Variants in CCDC136 observed in about 807,000 individuals in gnomAD.
The protein encoded by CCDC136 is coiled-coil domain containing 136, also known as coiled-coil domain-containing protein 136.
A neutral mutation model predicts 141.2 loss-of-function variants in CCDC136; 100 were observed. The ratio of observed to expected loss-of-function variants is 0.71; its 90% CI spans 0.60 to 0.84. CCDC136 has a LOEUF of 0.84. Ranked by LOEUF, CCDC136 falls within the 40% of genes least tolerant of loss-of-function variation. The pLI, the probability that CCDC136 is intolerant of heterozygous loss-of-function variation, is 0.00. For missense variants in CCDC136, 1,206 were observed against 1,379.4 expected (o/e 0.87, Z 1.99); for synonymous variants, 474 against 531.9 (o/e 0.89, Z 1.50).
At position 128,805,830 on chromosome 7, in the gene CCDC136, C is replaced by G. The variant is rs370564304; in HGVS notation, c.1018C>G (p.Arg340Gly). ...CCAGGTCAGTGAGGAGGAGCAGAGG[C>G]GGCTGCAGAGGGAGCTCAAGTGTGC... ...HRQVSEEEQR[R>G]LQRELKCAQN... is the part of the protein sequence containing the mutation. Residue 340 changes from arginine to glycine, a missense_variant, in exon 7 of 18, where the codon CGG (arginine) becomes GGG (glycine). Coordinates refer to ENST00000297788, the MANE Select transcript of CCDC136 (RefSeq NM_022742.5). The surrounding 1 kb of genome is among the most constrained non-coding windows in gnomAD (Gnocchi z 4.6). The G allele has an allele frequency of 1.2e-6, 2 of 1,613,706 alleles. No homozygotes were observed. The highest frequency in any genetic ancestry group is 1.7e-6 in the Non-Finnish European group (2 of 1,179,816).
intron 10 of CCDC136, chr7:128,809,247 C>A: frequency 1.9e-6 from 1 of 531,788 alleles, no homozygotes; most frequent in Non-Finnish European, 3.4e-6. Flanking sequence ...CTAGAGCAAC[C>A]TGCTCTGAAG....
intron 12 of CCDC136, chr7:128,811,431 A>G: frequency 2.2e-6 from 1 of 456,206 alleles, no homozygotes; most frequent in Non-Finnish European, 4.4e-6. Flanking sequence ...GGGCGAGGGG[A>G]CTGAGCCTGA....
intron 10 of CCDC136, 79 bp from the exon 11 acceptor site, chr7:128,809,371 C>T (rs1204698768): frequency 2.4e-5 from 23 of 942,340 alleles, no homozygotes; most frequent in East Asian, 1.3e-4. Context: ...GGCAGGAGAG[C>T]GCAGAAGTGC....
chr7:128,791,999 C>G lies in CCDC136; in HGVS notation c.-413C>G, dbSNP rs1212564557. The stretch of plus-strand genomic sequence containing the variant: ...CTGTAGGCCACCTCAGCCTTTCAGC[C>G]TCTTCTTCACTGGCTCCCGCCCTCT... On this transcript the variant is annotated 5_prime_UTR_variant, in exon 1 of 18. Coordinates refer to ENST00000297788, the MANE Select transcript of CCDC136 (RefSeq NM_022742.5). This position sits in a 1 kb window ranked among gnomAD's most constrained non-coding sequence, Gnocchi z 7.1. 1.5e-5 allele frequency: 18 copies of G among 1,188,726 alleles called. No individual in the cohort carries two copies. Among genetic ancestry groups the G allele is most frequent in the Non-Finnish European group, 1.9e-5 (18 of 957,720 alleles). The allele number at this position is 1,188,726 out of a possible 1,614,324, so 73.6% of individuals were successfully genotyped here. A position where few individuals can be genotyped will look rare whatever the true frequency, so the allele number is the denominator to read the frequency against.
At chr7:128,796,739 A>ATATATATATTTTTTTTTTT in intron 3 of CCDC136, among the ~76,000 whole-genome samples, 5 of 113,382 alleles carry the variant, frequency 4.4e-5, no homozygotes, top group Non-Finnish European at 6.7e-5. Context: ...ATATATATAT[A>ATATATATATTTTTTTTTTT]TTCTTTTTTT....
At chr7:128,816,474 G>T (rs181825307) in intron 16 of CCDC136, among the ~76,000 whole-genome samples, 10 of 152,268 alleles carry the variant, frequency 6.6e-5, no homozygotes, top group Admixed American at 3.9e-4. Flanking sequence ...GTGGGGCCTG[G>T]AAGTGATCAA....
At position 128,821,821 on chromosome 7, in the gene CCDC136, C is replaced by T; in HGVS notation, c.*28C>T. 1 of 1,290,448 alleles carries T rather than the reference C, an allele frequency of 7.7e-7. No homozygotes were observed. Among genetic ancestry groups the T allele is most frequent in the Non-Finnish European group, 1.0e-6 (1 of 989,016 alleles). 79.9% of individuals were successfully genotyped at this position (1,290,448 alleles called of 1,614,324 possible). On this transcript the variant is annotated 3_prime_UTR_variant, in exon 18 of 18. Coordinates refer to ENST00000297788, the MANE Select transcript of CCDC136 (RefSeq NM_022742.5). The surrounding 1 kb of genome is among the most constrained non-coding windows in gnomAD (Gnocchi z 5.1). Reference sequence around the variant, plus strand: ...CAGAACATGTTTGGGTTGTGGAAGCCTATGGTATTCTTGGCTATTGCAGCT... The same window carrying T: ...CAGAACATGTTTGGGTTGTGGAAGCTTATGGTATTCTTGGCTATTGCAGCT...
Position 128,806,849 on chromosome 7 carries a change from C to A in CCDC136, c.1410C>A (p.Ser470Arg). The change falls in exon 9 of 18, where the codon AGC becomes AGA. Residue 470 changes from serine (S) to arginine (R), a missense_variant. Coordinates refer to ENST00000297788, the MANE Select transcript of CCDC136 (RefSeq NM_022742.5). ...ATACGGTGGCCTCCTTCAAAGAGAGCAATGAGAAGGTAAAAGAAGCTCCTG... is the reference window on the plus strand; with the variant it reads ...ATACGGTGGCCTCCTTCAAAGAGAGAAATGAGAAGGTAAAAGAAGCTCCTG... The part of the protein sequence containing the change: ...LRDTVASFKE[S>R]NEKDTETHAQ... The A allele has an allele frequency of 6.2e-7, 1 of 1,601,518 alleles. No individual in the cohort carries two copies. Among genetic ancestry groups the A allele is most frequent in the Non-Finnish European group, 8.5e-7 (1 of 1,173,272 alleles).
Position 128,812,757 on chromosome 7 carries a change from A to G in CCDC136, c.2591A>G (p.Gln864Arg), listed in dbSNP as rs760572555. 3.1e-6 allele frequency: 5 copies of G among 1,613,614 alleles called. No individual in the cohort carries two copies. Among genetic ancestry groups the G allele is most frequent in the Non-Finnish European group, 4.2e-6 (5 of 1,179,836 alleles). ...GTGCTGATCAAGCTGCAGGCGGTGCAGGCCATGTACCAGATAAGCCAGGAG... is the reference window on the plus strand; with the variant it reads ...GTGCTGATCAAGCTGCAGGCGGTGCGGGCCATGTACCAGATAAGCCAGGAG... ...VKVLIKLQAV[Q>R]AMYQISQEEH... Residue 864 changes from glutamine (Q) to arginine (R), a missense_variant, in exon 14 of 18, where the codon CAG becomes CGG. Physicochemically the swap from Gln to Arg is conservative, Grantham distance 43 (BLOSUM62 1). Transcript: ENST00000297788.
At position 128,794,128 on chromosome 7, in the gene CCDC136, G is replaced by A. The variant is rs1053200334; in HGVS notation, c.17-220G>A. ...ATAGGAGGCTACCAAGTGCAACATT[G>A]GTCCAGGAAGGGCCTGGGAGGTGGA... On this transcript the variant is annotated intron_variant, in intron 1 of 17. Coordinates refer to ENST00000297788, the MANE Select transcript of CCDC136 (RefSeq NM_022742.5). This position sits in a 1 kb window ranked among gnomAD's most constrained non-coding sequence, Gnocchi z 4.3. The A allele has an allele frequency of 5.8e-5, 37 of 633,920 alleles. No homozygotes were observed. Among genetic ancestry groups the A allele is most frequent in the Middle Eastern group, 2.6e-4 (1 of 3,826 alleles). The allele number at this position is 633,920 out of a possible 1,614,324, so 39.3% of individuals were successfully genotyped here. A position where few individuals can be genotyped will look rare whatever the true frequency, so the allele number is the denominator to read the frequency against.
intron 17 of CCDC136, among the ~76,000 whole-genome samples, chr7:128,819,088 C>T (rs1041803374): frequency 2.6e-5 from 4 of 152,208 alleles, no homozygotes; most frequent in Admixed American, 6.5e-5. Flanking sequence ...GCTTTAGTGA[C>T]GGGGCCCCTC....
At chr7:128,796,739 A>ATATATATATATATATTTTT in intron 3 of CCDC136, among the ~76,000 whole-genome samples, 12 of 113,364 alleles carry the variant, frequency 1.1e-4, no homozygotes, top group African/African-American at 1.8e-4. Context: ...ATATATATAT[A>ATATATATATATATATTTTT]TTCTTTTTTT....
Position 128,815,929 on chromosome 7 carries a change from A to AAGGTAACCAG in CCDC136, c.3363+1_3363+10dup, listed in dbSNP as rs765646333. On this transcript the variant is annotated frameshift_variant and splice_region_variant, in exon 16 of 18. Transcript: ENST00000297788. LOFTEE classifies it high-confidence loss of function. ...CCCCCTCAGACTTTCCGAGAGCAAA[A>AAGGTAACCAG]AGGTAACCAGAGCCAAAGCCTAGAT... 4.2e-5 allele frequency: 67 copies of AAGGTAACCAG among 1,608,350 alleles called. No homozygotes were observed. The highest frequency in any genetic ancestry group is 5.5e-5 in the Non-Finnish European group (65 of 1,177,074).
At position 128,812,195 on chromosome 7, in the gene CCDC136, C is replaced by T. The variant is rs1805840475; in HGVS notation, c.2424C>T (p.Ser808=). Residue 808 remains serine, a synonymous_variant, in exon 13 of 18, where the codon AGC becomes AGT. Transcript: ENST00000297788. ...EAYGKSYCTT[S]NSSITYKKSY... Reference sequence around the variant, plus strand: ...ATGGGAAGAGTTACTGCACTACCAGCAACAGCAGCATTACCTATAAGAAGA... The same window carrying T: ...ATGGGAAGAGTTACTGCACTACCAGTAACAGCAGCATTACCTATAAGAAGA... 6.2e-7 allele frequency: 1 copy of T among 1,613,846 alleles called. No homozygotes were observed. The highest frequency in any genetic ancestry group is 1.7e-5 in the Admixed American group (1 of 60,004).
intron 1 of CCDC136, among the ~76,000 whole-genome samples, chr7:128,792,727 A>G (rs1035661237): frequency 6.6e-6 from 1 of 152,228 alleles, no homozygotes; most frequent in Non-Finnish European, 1.5e-5. Context: ...GCCTTTCAGC[A>G]GGGGGTTTGT....
Position 128,806,282 on chromosome 7 carries a change from G to A in CCDC136, c.1135G>A (p.Asp379Asn). Residue 379 changes from aspartate to asparagine, a missense_variant, in exon 8 of 18, where the codon GAT becomes AAT. By Grantham distance (23) the Asp-to-Asn change is conservative. Coordinates refer to ENST00000297788, the MANE Select transcript of CCDC136 (RefSeq NM_022742.5). ...SRLCTLQKKY[D>N]TSQDEQNELL... ...ACTCTGTACCCTGCAGAAAAAATAT[G>A]ATACTAGCCAGGATGAGCAGAACGA... The A allele has an allele frequency of 6.3e-7, 1 of 1,580,712 alleles. No homozygotes were observed. Among genetic ancestry groups the A allele is most frequent in the Non-Finnish European group, 8.6e-7 (1 of 1,162,962 alleles).
Position 128,794,176 on chromosome 7 carries a change from C to T in CCDC136, c.17-172C>T, listed in dbSNP as rs1287244346. On this transcript the variant is annotated intron_variant, in intron 1 of 17. Coordinates refer to ENST00000297788, the MANE Select transcript of CCDC136 (RefSeq NM_022742.5). The surrounding 1 kb of genome is among the most constrained non-coding windows in gnomAD (Gnocchi z 4.3). ...GGAGGGGCTGCTTCTCAACTTGACT[C>T]TCACACCTGAGGACTCATCTTGAGT... The T allele has an allele frequency of 7.1e-6, 6 of 841,446 alleles. No individual in the cohort carries two copies. Among genetic ancestry groups the T allele is most frequent in the Non-Finnish European group, 9.7e-6 (5 of 513,698 alleles). 52.1% of individuals were successfully genotyped at this position (841,446 alleles called of 1,614,324 possible).
intron 17 of CCDC136, among the ~76,000 whole-genome samples, chr7:128,820,401 C>T (rs1355801275): frequency 6.6e-6 from 1 of 152,226 alleles, no homozygotes; most frequent in Non-Finnish European, 1.5e-5. Context: ...ACGACTTCCC[C>T]TTTGGGACAC....
intron 3 of CCDC136, among the ~76,000 whole-genome samples, chr7:128,796,739 A>ATATATATTTTTTTTTTT: frequency 4.4e-5 from 5 of 113,372 alleles, no homozygotes; most frequent in African/African-American, 9.2e-5. Flanking sequence ...ATATATATAT[A>ATATATATTTTTTTTTTT]TTCTTTTTTT....
Sources: gnomAD v4.1 joint callset for allele counts (sites outside exome capture counted in the v4.1 genomes callset) on GRCh38, gnomAD v4.1.1 for gene constraint, Gnocchi (gnomAD v3.1) non-coding constraint, MANE v1.5 for transcripts, NCBI Gene and HGNC (gene_info 2026-07-23, HGNC 2026-07-21) for gene names.